The following REV3L variants were observed in gnomAD, a reference collection of about 807,000 sequenced individuals.
REV3L encodes the protein REV3 like, DNA directed polymerase zeta catalytic subunit, also known as DNA polymerase zeta catalytic subunit.
Under a neutral mutation model 299.4 loss-of-function variants are expected in REV3L, and 69 were observed. The observed-to-expected ratio is 0.23, with a 90% CI of 0.19 to 0.28. The LOEUF (loss-of-function observed/expected upper bound fraction) is 0.28. REV3L is among the 10% of genes least tolerant of loss of function. The probability of loss-of-function intolerance (pLI) is 1.00; values close to 1 mark genes in which losing one functional copy is unlikely to be tolerated. For synonymous variants in REV3L, 1,238 were observed against 1,271.4 expected, an observed-to-expected ratio of 0.97 and a Z score of 0.56; for missense variants, 3,128 against 3,693.8, an observed-to-expected ratio of 0.85 and a Z score of 3.97.
intron 10 of REV3L, among the ~76,000 whole-genome samples, chr6:111,380,897 G>A (rs1347987812): frequency 2.6e-5 from 4 of 152,188 alleles, no homozygotes; most frequent in Non-Finnish European, 1.5e-5. Flanking sequence ...GCCACTGAAG[G>A]ACTGGTTGAG....
intron 30 of REV3L, chr6:111,309,407 C>A (rs17511497): frequency 0.024 from 3,604 of 152,364 alleles, 58 homozygotes; most frequent in Admixed American, 0.064. Context: ...CCTTGTCCTG[C>A]CGGTCAATGG....
intron 9 of REV3L, among the ~76,000 whole-genome samples, chr6:111,384,592 A>T (rs1395537877): frequency 6.6e-6 from 1 of 152,180 alleles, no homozygotes; most frequent in East Asian, 1.9e-4. Context: ...GACAGGCAAT[A>T]ATGAATGCTG....
rs1319077817 is a variant in REV3L at position 111,378,779 on chromosome 6, T to C, written c.1455-936A>G. 2.0e-5 allele frequency among the ~76,000 whole-genome samples: 3 copies of C among 152,214 alleles called. No homozygotes were observed. In the East Asian group the frequency reaches 5.8e-4, roughly 29 times the overall value. On this transcript the variant is annotated intron_variant, in intron 11 of 31. Coordinates refer to ENST00000368802, the MANE Select transcript of REV3L (RefSeq NM_001372078.1). ...GTTGATGTCATTTTCCACATGATAA[T>C]CTTTAAAATACATAAAGGCATTTCT...
chr6:111,307,496 G>A lies in REV3L; in HGVS notation c.9117C>T (p.Thr3039=). The A allele has an allele frequency of 6.2e-7, 1 of 1,614,204 alleles. No homozygotes were observed. The highest frequency in any genetic ancestry group is 8.5e-7 in the Non-Finnish European group (1 of 1,180,042). ...GGTCATCACACACAGGACAGTGTAA[G>A]GTAGTAAAATATTGTGAAATAGTGC... The part of the protein sequence containing the change: ...RKGTISQYFT[T]LHCPVCDDLT... The change falls in exon 31 of 32, where the codon ACC becomes ACT. Residue 3039 remains threonine, a synonymous_variant. Coordinates refer to ENST00000368802, the MANE Select transcript of REV3L (RefSeq NM_001372078.1).
At chr6:111,449,245 AAGTCCTTCTTCAAT>A (rs1357579244) in intron 1 of REV3L, among the ~76,000 whole-genome samples, 1 of 152,212 alleles carries the variant, frequency 6.6e-6, no homozygotes, top group Non-Finnish European at 1.5e-5. Context: ...CAAACATTGT[AAGTCCTTCTTCAAT>A]AGCTCCCCAC....
chr6:111,431,231 G>A lies in REV3L; in HGVS notation c.140-14759C>T, dbSNP rs766999323. On this transcript the variant is annotated intron_variant, in intron 1 of 31. Transcript: ENST00000368802. ...AGTTTACTGGATGTTTTAACAAAAG[G>A]AGGGCATTCCAGGACCCTACAAGAG... The A allele has an allele frequency of 1.9e-5, 29 of 1,552,630 alleles. No homozygotes were observed. The Admixed American group carries it at 2.5e-4, about 13-fold the overall frequency.
At chr6:111,347,394 T>G (rs1318227891) in intron 20 of REV3L, among the ~76,000 whole-genome samples, 1 of 151,980 alleles carries the variant, frequency 6.6e-6, no homozygotes, top group Non-Finnish European at 1.5e-5. Context: ...CACTGGGGAC[T>G]CTAACACTCT....
intron 3 of REV3L, 57 bp downstream of exon 3, chr6:111,411,423 A>G: frequency 8.8e-7 from 1 of 1,140,344 alleles, no homozygotes; most frequent in Non-Finnish European, 1.3e-6. Context: ...GATTTTTTTT[A>G]TTATTAAAAT....
chr6:111,482,097 G>A (rs1388649874), intron 1 of REV3L, among the ~76,000 whole-genome samples: 2 of 152,106 alleles, frequency 1.3e-5, no homozygotes, highest in Non-Finnish European at 1.5e-5. Context: ...TGCACCTAAG[G>A]ATGCTGCCCT....
rs1230376623 is a variant in REV3L, at chr6:111,309,665, G to A, written c.9042+188C>T. The A allele has an allele frequency of 1.1e-5, 6 of 527,444 alleles. No homozygotes were observed. In the East Asian group the frequency reaches 2.0e-4, roughly 18 times the overall value. The allele number at this position is 527,444 out of a possible 1,614,324, so 32.7% of individuals were successfully genotyped here. A position where few individuals can be genotyped will look rare whatever the true frequency, so the allele number is the denominator to read the frequency against. On this transcript the variant is annotated intron_variant, in intron 30 of 31. Transcript: ENST00000368802. The stretch of plus-strand genomic sequence containing the variant: ...CCTCACCTAGATCTGTGGGGGTGGA[G>A]CCCTAGCCAGGGACCCACCTTTCTC...
intron 3 of REV3L, among the ~76,000 whole-genome samples, chr6:111,408,284 C>A (rs1204478506): frequency 2.6e-5 from 4 of 152,050 alleles, no homozygotes; most frequent in African/African-American, 9.7e-5. Context: ...AACTTTTTGG[C>A]CCCAGAACCC....
At chr6:111,417,985 CT>C (rs1377946520) in intron 1 of REV3L, among the ~76,000 whole-genome samples, 1 of 152,102 alleles carries the variant, frequency 6.6e-6, no homozygotes, top group African/African-American at 2.4e-5. Context: ...TTTTTCAATT[CT>C]TCAAATAGAG....
intron 4 of REV3L, among the ~76,000 whole-genome samples, chr6:111,402,645 C>G (rs1161545668): frequency 1.3e-5 from 2 of 152,158 alleles, no homozygotes; most frequent in Admixed American, 1.3e-4. Context: ...AAGAAACCCT[C>G]CCTGGTGACT....
chr6:111,471,928 G>C (rs1792265425), intron 1 of REV3L: 5 of 698,718 alleles, frequency 7.2e-6, no homozygotes, highest in Non-Finnish European at 9.5e-6. Context: ...GTTAGTTAAG[G>C]GTGAGTAGGA....
intron 21 of REV3L, 29 bp downstream of exon 21, chr6:111,343,896 T>G: frequency 7.4e-7 from 1 of 1,353,430 alleles, no homozygotes; most frequent in Non-Finnish European, 1.0e-6. Flanking sequence ...TGATTTTATA[T>G]TACCTTCTTC....
intron 1 of REV3L, among the ~76,000 whole-genome samples, chr6:111,443,887 T>C (rs1788552072): frequency 6.6e-6 from 1 of 152,246 alleles, no homozygotes; most frequent in Non-Finnish European, 1.5e-5. Context: ...ATGACTTTAA[T>C]GGTGTAGGCC....
At position 111,461,001 on chromosome 6, in the gene REV3L, T is replaced by C. The variant is rs995887553; in HGVS notation, c.139+21749A>G. ...TATAAAAGTATAGCATATACAATTA[T>C]GTTAAGTACATAATACTTGATCATG... is the stretch of plus-strand genomic sequence containing the variant. On this transcript the variant is annotated intron_variant, in intron 1 of 31. Coordinates refer to ENST00000368802, the MANE Select transcript of REV3L (RefSeq NM_001372078.1). Among the ~76,000 whole-genome samples, 62 of 152,170 alleles carry C rather than the reference T, an allele frequency of 4.1e-4. 1 individual carries two copies. The highest frequency in any genetic ancestry group is 8.8e-5 in the Non-Finnish European group (6 of 67,998).
intron 21 of REV3L, among the ~76,000 whole-genome samples, chr6:111,342,646 T>TCACTCCA (rs1776638596): frequency 6.8e-6 from 1 of 146,584 alleles, no homozygotes; most frequent in East Asian, 2.0e-4. Flanking sequence ...CCAGCCTGGG[T>TCACTCCA]GACAGAGCGA....
intron 1 of REV3L, among the ~76,000 whole-genome samples, chr6:111,482,235 C>G (rs552209619): frequency 1.3e-5 from 2 of 152,190 alleles, no homozygotes; most frequent in South Asian, 4.1e-4. Context: ...ACTGCATCTC[C>G]GGAACTGGCA....
Sources: allele counts gnomAD v4.1 joint callset (sites outside exome capture counted in the v4.1 genomes callset), GRCh38; gene constraint gnomAD v4.1.1; transcripts MANE v1.5; gene names NCBI Gene and HGNC (gene_info 2026-07-23, HGNC 2026-07-21).